Variants in LARGE1 observed in about 807,000 individuals in gnomAD.
The protein encoded by LARGE1 is xylosyl- and glucuronyltransferase LARGE1.
A neutral mutation model predicts 87.6 loss-of-function variants in LARGE1; 43 were observed. The observed-to-expected ratio is 0.49, with a 90% CI of 0.38 to 0.63. The LOEUF is 0.63. LARGE1 is among the 30% of genes least tolerant of loss of function. The pLI, the probability that LARGE1 is intolerant of heterozygous loss-of-function variation, is 0.00. For synonymous variants in LARGE1, 434 were observed against 394.6 expected (o/e 1.10, Z -1.18); for missense variants, 802 against 1,000.2 (o/e 0.80, Z 2.67).
intron 1 of LARGE1, among the ~76,000 whole-genome samples, chr22:33,774,459 C>T (rs1339248837): frequency 6.6e-6 from 1 of 152,106 alleles, no homozygotes; most frequent in African/African-American, 2.4e-5. Flanking sequence ...CGGGTTGAAG[C>T]AATTCTCCTG....
intron 11 of LARGE1, among the ~76,000 whole-genome samples, chr22:33,239,769 C>T (rs372429609): frequency 6.6e-6 from 1 of 151,990 alleles, no homozygotes; most frequent in African/African-American, 2.4e-5. Flanking sequence ...GAACTCCTGA[C>T]CTTGTGATCC....
chr22:33,582,204 G>A (rs1013531671), intron 5 of LARGE1, among the ~76,000 whole-genome samples: 8 of 152,120 alleles, frequency 5.3e-5, no homozygotes, highest in East Asian at 1.9e-4. Context: ...GACAGCCCCC[G>A]CAACAAAAAA....
chr22:33,915,125 T>C (rs2065750492), intron 1 of LARGE1, among the ~76,000 whole-genome samples: 1 of 151,926 alleles, frequency 6.6e-6, no homozygotes, highest in African/African-American at 2.4e-5. Flanking sequence ...ATACTAAATA[T>C]ACCTGGCCCT....
intron 1 of LARGE1, among the ~76,000 whole-genome samples, chr22:33,850,287 C>T (rs140407924): frequency 1.5e-3 from 221 of 152,196 alleles, no homozygotes; most frequent in African/African-American, 5.0e-3. Flanking sequence ...ATCTAAAAGA[C>T]GAGTGTTCTA....
chr22:33,482,812 C>T (rs1190864793), intron 6 of LARGE1, among the ~76,000 whole-genome samples: 1 of 152,164 alleles, frequency 6.6e-6, no homozygotes, highest in African/African-American at 2.4e-5. Context: ...AGAAAAGACT[C>T]TTGTCCCTAT....
intron 11 of LARGE1, among the ~76,000 whole-genome samples, chr22:33,183,205 T>C (rs1282054514): frequency 1.3e-5 from 2 of 152,000 alleles, no homozygotes; most frequent in Non-Finnish European, 2.9e-5. Context: ...GACATACTAA[T>C]GACCAATGGA....
intron 11 of LARGE1, among the ~76,000 whole-genome samples, chr22:33,250,289 T>C (rs1034435857): frequency 2.0e-5 from 3 of 152,222 alleles, no homozygotes; most frequent in African/African-American, 7.2e-5. Context: ...TTAATGTGAA[T>C]AGTCTTGTGT....
At chr22:33,666,215 C>T (rs1185739803) in intron 2 of LARGE1, among the ~76,000 whole-genome samples, 1 of 152,176 alleles carries the variant, frequency 6.6e-6, no homozygotes, top group Admixed American at 6.5e-5. Flanking sequence ...CCAAATCATA[C>T]CATTTTTAAC....
chr22:33,111,760 T>C, the LARGE1 span, among the ~76,000 whole-genome samples: 1 of 152,042 alleles, frequency 6.6e-6, no homozygotes, highest in African/African-American at 2.4e-5. Flanking sequence ...CTGTAGGGGG[T>C]TGTGATGAAA....
chr22:33,576,190 A>G (rs961622574), intron 5 of LARGE1, among the ~76,000 whole-genome samples: 1 of 152,258 alleles, frequency 6.6e-6, no homozygotes, highest in African/African-American at 2.4e-5. Context: ...TGTCTGACAC[A>G]TAGAAGGCAC....
chr22:33,623,797 A>G lies in LARGE1; in HGVS notation c.491+2447T>C, dbSNP rs190759723. Among the ~76,000 whole-genome samples, 8 of 151,852 alleles carry G rather than the reference A, an allele frequency of 5.3e-5. No homozygotes were observed. The East Asian group carries it at 1.6e-3, about 29-fold the overall frequency. On this transcript the variant is annotated intron_variant, in intron 4 of 14. Transcript: ENST00000397394. ...TGTAATCCCAGCACTTTGGGAGGCC[A>G]AGGTGGGTGGATCACCTGAGGTCAG... is the stretch of plus-strand genomic sequence containing the variant.
intron 7 of LARGE1, among the ~76,000 whole-genome samples, chr22:33,422,257 G>T (rs759308545): frequency 6.6e-6 from 1 of 152,206 alleles, no homozygotes; most frequent in Non-Finnish European, 1.5e-5. Context: ...ACACATAATT[G>T]TTAAGTATCT....
chr22:33,863,714 G>A (rs755554642), intron 1 of LARGE1, among the ~76,000 whole-genome samples: 13 of 151,800 alleles, frequency 8.6e-5, no homozygotes, highest in Non-Finnish European at 1.6e-4. Context: ...GTTGCAGTGA[G>A]CCGACATTGC....
chr22:33,785,064 G>C lies in LARGE1; in HGVS notation c.-82-23506C>G, dbSNP rs13057330. Among the ~76,000 whole-genome samples the C allele has an allele frequency of 4.7e-4, 61 of 129,288 alleles. 1 individual carries two copies. Among genetic ancestry groups the C allele is most frequent in the African/African-American group, 1.0e-3 (35 of 34,748 alleles). 84.8% of individuals were successfully genotyped at this position (129,288 alleles called of 152,430 possible). On this transcript the variant is annotated intron_variant, in intron 1 of 14. Transcript: ENST00000397394. ...ATGTGTATACATACATGTGTATATA[G>C]ATATATGTGTATACATACATATGTG...
At chr22:33,711,317 A>G (rs1050952176) in intron 2 of LARGE1, among the ~76,000 whole-genome samples, 1 of 152,234 alleles carries the variant, frequency 6.6e-6, no homozygotes, top group African/African-American at 2.4e-5. Flanking sequence ...TCCGAAGGTT[A>G]GAATGGATTG....
chr22:33,288,825 AC>A (rs1257576243), intron 12 of LARGE1, among the ~76,000 whole-genome samples: 2 of 151,578 alleles, frequency 1.3e-5, no homozygotes, highest in Non-Finnish European at 2.9e-5. Flanking sequence ...TTATGGTCTG[AC>A]TCCTCTTTGC....
chr22:33,127,823 T>C, the LARGE1 span, among the ~76,000 whole-genome samples: 1 of 152,254 alleles, frequency 6.6e-6, no homozygotes, highest in Admixed American at 6.5e-5. Context: ...AATGATGAAA[T>C]GAATTTCCTA....
At chr22:33,302,683 A>G (rs2146137112) in intron 12 of LARGE1, among the ~76,000 whole-genome samples, 1 of 152,296 alleles carries the variant, frequency 6.6e-6, no homozygotes, top group African/African-American at 2.4e-5. Flanking sequence ...AGGGAGGGAG[A>G]GCAAGAGAAC....
At chr22:33,576,119 T>C (rs2078344626) in intron 5 of LARGE1, among the ~76,000 whole-genome samples, 1 of 152,240 alleles carries the variant, frequency 6.6e-6, no homozygotes, top group Non-Finnish European at 1.5e-5. Context: ...TTAATAATTT[T>C]AGAAGCTGCA....
Sources: allele counts gnomAD v4.1 joint callset (sites outside exome capture counted in the v4.1 genomes callset), GRCh38; gene constraint gnomAD v4.1.1; transcripts MANE v1.5; gene names NCBI Gene and HGNC (gene_info 2026-07-23, HGNC 2026-07-21).